Variants in TEAD1 observed in about 807,000 individuals in gnomAD.
The protein encoded by TEAD1 is transcriptional enhancer factor TEF-1.
In TEAD1, 9 loss-of-function variants were observed where a neutral mutation model predicts 54.9. The observed-to-expected ratio is 0.16, with a 90% CI of 0.10 to 0.29. The LOEUF (loss-of-function observed/expected upper bound fraction) is 0.29. Ranked by LOEUF, TEAD1 falls within the 10% of genes least tolerant of loss-of-function variation. The pLI, the probability that TEAD1 is intolerant of heterozygous loss-of-function variation, is 1.00. For synonymous variants in TEAD1, 200 were observed against 187.8 expected, an observed-to-expected ratio of 1.07 and a Z score of -0.53; for missense variants, 387 against 535.9, an observed-to-expected ratio of 0.72 and a Z score of 2.74.
intron 3 of TEAD1, among the ~76,000 whole-genome samples, chr11:12,853,372 T>C: frequency 6.6e-6 from 1 of 152,126 alleles, no homozygotes; most frequent in Middle Eastern, 3.2e-3. Flanking sequence ...CTAAAGCAGT[T>C]TATTCCTTTA....
chr11:12,783,133 T>C lies in TEAD1; in HGVS notation c.202+18699T>C, dbSNP rs79621018. Among the ~76,000 whole-genome samples the C allele has an allele frequency of 3.1e-3, 455 of 145,556 alleles. 2 individuals carry two copies. Among genetic ancestry groups the C allele is most frequent in the African/African-American group, 8.0e-3 (296 of 37,068 alleles). On this transcript the variant is annotated intron_variant, in intron 3 of 12. Transcript: ENST00000527636. ...GTGTGTGTGTGTGTGTGTGTGTGTG[T>C]GCGCGCACTTTCTTTTTAAATCACT...
intron 2 of TEAD1, among the ~76,000 whole-genome samples, chr11:12,731,172 C>T (rs1944417792): frequency 1.3e-5 from 2 of 152,150 alleles, no homozygotes; most frequent in Non-Finnish European, 1.5e-5. Context: ...CTGCTGGAAC[C>T]ATACAGCACA....
At chr11:12,867,880 G>A (rs932488702) in intron 5 of TEAD1, among the ~76,000 whole-genome samples, 2 of 152,186 alleles carry the variant, frequency 1.3e-5, no homozygotes, top group Admixed American at 6.5e-5. Context: ...AAGAGACACT[G>A]TGCTTTGCCT....
At chr11:12,674,889 GGGGCCGGCGGCGCGTCCCTCGC>G (rs993055459) in intron 1 of TEAD1, 55 bp downstream of exon 1, 10 of 147,352 alleles carry the variant, frequency 6.8e-5, no homozygotes, top group African/African-American at 9.8e-5. Flanking sequence ...GGGGCAGCGG[GGGGCCGGCGGCGCGTCCCTCGC>G]GGGCCGCTCT....
intron 2 of TEAD1, among the ~76,000 whole-genome samples, chr11:12,694,978 A>G (rs1201676286): frequency 6.6e-6 from 1 of 152,270 alleles, no homozygotes; most frequent in African/African-American, 2.4e-5. Context: ...TTTCCAATTC[A>G]TAGCTGGCAA....
chr11:12,914,395 C>A (rs1030963027), intron 10 of TEAD1, among the ~76,000 whole-genome samples: 3 of 152,154 alleles, frequency 2.0e-5, no homozygotes, highest in Admixed American at 6.5e-5. Flanking sequence ...TCCTATTATT[C>A]TTATTTAAAA....
intron 2 of TEAD1, among the ~76,000 whole-genome samples, chr11:12,701,526 G>T (rs886868039): frequency 6.6e-6 from 1 of 152,150 alleles, no homozygotes; most frequent in Non-Finnish European, 1.5e-5. Flanking sequence ...TTACCTGAGT[G>T]AAGGGGAAAG....
In TEAD1 at chr11:12,862,275, C is replaced by T. The variant is rs1947521721; in HGVS notation, c.228C>T (p.Tyr76=). 3 of 1,613,828 alleles carry T rather than the reference C, an allele frequency of 1.9e-6. No individual in the cohort carries two copies. The highest frequency in any genetic ancestry group is 2.7e-5 in the African/African-American group (2 of 74,882). Reference sequence around the variant, plus strand: ...GTAGGAATGAATTGATAGCCAGATACATCAAACTCAGGACAGGCAAGACGA... The same window carrying T: ...GTAGGAATGAATTGATAGCCAGATATATCAAACTCAGGACAGGCAAGACGA... Residue 76 remains tyrosine (Y), a synonymous_variant, in exon 4 of 13, where the codon TAC becomes TAT. Coordinates refer to ENST00000527636, the MANE Select transcript of TEAD1 (RefSeq NM_021961.6).
chr11:12,683,506 A>G (rs184890715), intron 2 of TEAD1, among the ~76,000 whole-genome samples: 74 of 152,268 alleles, frequency 4.9e-4, no homozygotes, highest in African/African-American at 1.7e-3. Context: ...ATACATCCGA[A>G]GAGCTGTGTT....
intron 2 of TEAD1, among the ~76,000 whole-genome samples, chr11:12,762,763 A>C (rs552595914): frequency 6.6e-6 from 1 of 152,292 alleles, no homozygotes; most frequent in African/African-American, 2.4e-5. Flanking sequence ...GCATCTGTTG[A>C]TATACACAGG....
chr11:12,774,635 C>T (rs920882210), intron 3 of TEAD1, among the ~76,000 whole-genome samples: 1 of 152,136 alleles, frequency 6.6e-6, no homozygotes, highest in African/African-American at 2.4e-5. Flanking sequence ...CTCTTTGAGC[C>T]TTGTTGCCAT....
chr11:12,808,564 G>A (rs1340530968), intron 3 of TEAD1, among the ~76,000 whole-genome samples: 1 of 152,122 alleles, frequency 6.6e-6, no homozygotes, highest in Non-Finnish European at 1.5e-5. Context: ...TCAGAGGCAC[G>A]TAGCAACTGC....
chr11:12,830,808 A>ATTTAAAGGGAAAAACGAGCCAGTTT (rs1264408792), intron 3 of TEAD1, among the ~76,000 whole-genome samples: 13 of 152,084 alleles, frequency 8.5e-5, no homozygotes, highest in Non-Finnish European at 1.6e-4. Flanking sequence ...TGTAATTCCT[A>ATTTAAAGGGAAAAACGAGCCAGTTT]TTTAAAGGGA....
chr11:12,875,763 A>G (rs949239230), intron 5 of TEAD1, among the ~76,000 whole-genome samples: 6 of 152,232 alleles, frequency 3.9e-5, no homozygotes, highest in South Asian at 2.1e-4. Context: ...TTAGCTTTCT[A>G]TTAGGACAGC....
intron 10 of TEAD1, among the ~76,000 whole-genome samples, chr11:12,917,081 G>A (rs946825717): frequency 1.3e-5 from 2 of 152,150 alleles, no homozygotes; most frequent in South Asian, 2.1e-4. Context: ...TGGCAAAGGG[G>A]AATTAAAAGT....
At chr11:12,883,901 A>G (rs1317077072) in intron 9 of TEAD1, among the ~76,000 whole-genome samples, 1 of 151,916 alleles carries the variant, frequency 6.6e-6, no homozygotes, top group East Asian at 1.9e-4. Flanking sequence ...AGGCTGAGGC[A>G]GGATAATTGG....
At chr11:12,752,384 T>C (rs1409652159) in intron 2 of TEAD1, among the ~76,000 whole-genome samples, 1 of 152,152 alleles carries the variant, frequency 6.6e-6, no homozygotes, top group Admixed American at 6.6e-5. Context: ...TGCACTGACA[T>C]GACCAGAACC....
At chr11:12,695,609 G>A (rs1433987768) in intron 2 of TEAD1, among the ~76,000 whole-genome samples, 1 of 152,118 alleles carries the variant, frequency 6.6e-6, no homozygotes, top group Admixed American at 6.5e-5. Context: ...TATCCTATTA[G>A]CAACCACACA....
chr11:12,836,232 AAC>A (rs1036674356), intron 3 of TEAD1, among the ~76,000 whole-genome samples: 1 of 151,936 alleles, frequency 6.6e-6, no homozygotes, highest in Non-Finnish European at 1.5e-5. Flanking sequence ...CATCCCGGCT[AAC>A]ACGGTGAAAC....
Sources: gnomAD v4.1 joint callset for allele counts (sites outside exome capture counted in the v4.1 genomes callset) on GRCh38, gnomAD v4.1.1 for gene constraint, MANE v1.5 for transcripts, NCBI Gene and HGNC (gene_info 2026-07-23, HGNC 2026-07-21) for gene names.